Variants in COL23A1 observed in about 807,000 individuals in gnomAD.
COL23A1 encodes the protein collagen type XXIII alpha 1 chain, also known as collagen alpha-1(XXIII) chain.
A neutral mutation model predicts 99.3 loss-of-function variants in COL23A1; 97 were observed. That is an observed-to-expected ratio of 0.98 (90% CI 0.83 to 1.16). The LOEUF is 1.16. Among genes scored for constraint, COL23A1 ranks in the 50% most tolerant of loss-of-function variants. COL23A1 has a pLI of 0.00. For synonymous variants in COL23A1, 320 were observed against 308.2 expected, an observed-to-expected ratio of 1.04 and a Z score of -0.40; for missense variants, 762 against 757.4, an observed-to-expected ratio of 1.01 and a Z score of -0.07.
At position 178,249,983 on chromosome 5, in the gene COL23A1, A is replaced by ACG. The variant is rs1052161409; in HGVS notation, c.1059+76_1059+77dup. The stretch of plus-strand genomic sequence containing the variant: ...TCTCTAACTCTGTGCACACATGCAC[A>ACG]CGCACACACACACACACACACACAC... On this transcript the variant is annotated intron_variant, in intron 18 of 28. Transcript: ENST00000390654. 35 of 1,442,806 alleles carry ACG rather than the reference A, an allele frequency of 2.4e-5. No individual in the cohort carries two copies. In the Admixed American group the frequency reaches 3.3e-4, roughly 14 times the overall value. The allele number at this position is 1,442,806 out of a possible 1,614,324, so 89.4% of individuals were successfully genotyped here.
At chr5:178,486,448 C>T (rs1049548170) in intron 2 of COL23A1, among the ~76,000 whole-genome samples, 1 of 152,176 alleles carries the variant, frequency 6.6e-6, no homozygotes, top group Non-Finnish European at 1.5e-5. Flanking sequence ...TGCGTAATTA[C>T]CACGTGTAGA....
intron 2 of COL23A1, among the ~76,000 whole-genome samples, chr5:178,433,634 G>A (rs1442340474): frequency 3.3e-5 from 5 of 152,168 alleles, no homozygotes; most frequent in Admixed American, 6.5e-5. Flanking sequence ...CACCAGTCAC[G>A]TCATTACATA....
chr5:178,291,197 A>G, intron 3 of COL23A1, among the ~76,000 whole-genome samples: 1 of 152,178 alleles, frequency 6.6e-6, no homozygotes, highest in Non-Finnish European at 1.5e-5. Flanking sequence ...CCAGACCCCG[A>G]ACCTCACTCG....
chr5:178,403,141 AT>A lies in COL23A1; in HGVS notation c.362-96223del, dbSNP rs1561940833. Reference sequence around the variant, plus strand: ...AAAAAAATAAATAAATAAAAAATAAATACCATTTACCGAAATCTTCTACAAG... The same window carrying A: ...AAAAAAATAAATAAATAAAAAATAAAACCATTTACCGAAATCTTCTACAAG... On this transcript the variant is annotated intron_variant, in intron 2 of 28. Transcript: ENST00000390654. Among the ~76,000 whole-genome samples, 22 of 146,338 alleles carry A rather than the reference AT, an allele frequency of 1.5e-4. 2 individuals are homozygous for A. The highest frequency in any genetic ancestry group is 8.2e-4 in the East Asian group (4 of 4,890).
chr5:178,435,097 C>T (rs1766485691), intron 2 of COL23A1, among the ~76,000 whole-genome samples: 1 of 152,204 alleles, frequency 6.6e-6, no homozygotes. Context: ...TGGAGATTTG[C>T]CTCTCTCTGG....
chr5:178,302,257 G>A lies in COL23A1; in HGVS notation c.406+4618C>T, dbSNP rs536642078. On this transcript the variant is annotated intron_variant, in intron 3 of 28. Transcript: ENST00000390654. ...ACAGCGTCAATCCACCTCTGTGTGCGCCGGAGCACGGCTTCAATCCACCTC... is the reference window on the plus strand; with the variant it reads ...ACAGCGTCAATCCACCTCTGTGTGCACCGGAGCACGGCTTCAATCCACCTC... Among the ~76,000 whole-genome samples, 86 of 135,590 alleles carry A rather than the reference G, an allele frequency of 6.3e-4. 2 individuals carry two copies. In the South Asian group the frequency reaches 0.013, roughly 21 times the overall value. 89.0% of individuals were successfully genotyped at this position (135,590 alleles called of 152,430 possible). A position where few individuals can be genotyped will look rare whatever the true frequency, so the allele number is the denominator to read the frequency against.
At chr5:178,389,510 G>C (rs563053716) in intron 2 of COL23A1, among the ~76,000 whole-genome samples, 7 of 152,304 alleles carry the variant, frequency 4.6e-5, no homozygotes, top group African/African-American at 1.4e-4. Flanking sequence ...ATGTCCACTG[G>C]GGAGCTGCAC....
chr5:178,481,010 T>C (rs777034426), intron 2 of COL23A1, among the ~76,000 whole-genome samples: 29 of 151,238 alleles, frequency 1.9e-4, no homozygotes, highest in Admixed American at 3.3e-4. Context: ...TAGCTGGGCA[T>C]GGTAGCACAC....
intron 2 of COL23A1, among the ~76,000 whole-genome samples, chr5:178,327,499 C>T (rs1428973879): frequency 6.6e-6 from 1 of 152,176 alleles, no homozygotes; most frequent in Non-Finnish European, 1.5e-5. Flanking sequence ...GAGACCTTAT[C>T]TGCCAGGAAT....
intron 2 of COL23A1, among the ~76,000 whole-genome samples, chr5:178,326,084 G>A (rs184309089): frequency 1.3e-5 from 2 of 152,240 alleles, no homozygotes; most frequent in East Asian, 3.9e-4. Context: ...TGGGAGACAG[G>A]CCCATTTTTT....
chr5:178,382,787 C>T (rs78576845), intron 2 of COL23A1, among the ~76,000 whole-genome samples: 38 of 152,306 alleles, frequency 2.5e-4, no homozygotes, highest in African/African-American at 8.7e-4. Context: ...GGTTCAGAAG[C>T]GCCCTGGCTC....
chr5:178,520,173 G>A lies in COL23A1; in HGVS notation c.361+40509C>T, dbSNP rs114575949. Among the ~76,000 whole-genome samples the A allele has an allele frequency of 4.7e-3, 712 of 152,266 alleles. 1 individual carries two copies. Among genetic ancestry groups the A allele is most frequent in the African/African-American group, 0.013 (560 of 41,552 alleles). ...AGATGCATGTTGGATGGTCAGACGG[G>A]TGAATGCATCGAAGGATGGATGGAT... On this transcript the variant is annotated intron_variant, in intron 2 of 28. Coordinates refer to ENST00000390654, the MANE Select transcript of COL23A1 (RefSeq NM_173465.4).
At chr5:178,578,394 G>A (rs1271568964) in intron 1 of COL23A1, among the ~76,000 whole-genome samples, 5 of 152,094 alleles carry the variant, frequency 3.3e-5, no homozygotes, top group Non-Finnish European at 7.4e-5. Context: ...TGCACCACAA[G>A]CCTGGTCTGA....
chr5:178,587,075 A>G (rs1240063100), intron 1 of COL23A1, among the ~76,000 whole-genome samples: 1 of 152,224 alleles, frequency 6.6e-6, no homozygotes, highest in Non-Finnish European at 1.5e-5. Flanking sequence ...TTTTTACTGT[A>G]TTATGAAAGC....
intron 2 of COL23A1, among the ~76,000 whole-genome samples, chr5:178,376,671 A>G (rs890458816): frequency 3.3e-5 from 5 of 152,210 alleles, no homozygotes; most frequent in Non-Finnish European, 7.3e-5. Flanking sequence ...AGGTGAGGGA[A>G]CATGCCCAAG....
intron 2 of COL23A1, among the ~76,000 whole-genome samples, chr5:178,417,900 A>G (rs1765400689): frequency 6.6e-6 from 1 of 152,254 alleles, no homozygotes; most frequent in Non-Finnish European, 1.5e-5. Context: ...AGTTCAATTA[A>G]TAAACATTTA....
intron 2 of COL23A1, among the ~76,000 whole-genome samples, chr5:178,528,767 G>A (rs572975515): frequency 2.0e-5 from 3 of 152,196 alleles, no homozygotes; most frequent in Non-Finnish European, 4.4e-5. Flanking sequence ...CTGAGATCGC[G>A]CCATTGCACT....
chr5:178,371,498 A>G (rs1762800116), intron 2 of COL23A1, among the ~76,000 whole-genome samples: 1 of 152,156 alleles, frequency 6.6e-6, no homozygotes. Context: ...AGTCGCCCCT[A>G]CACCTTGGCT....
At chr5:178,336,701 T>G (rs1465292574) in intron 2 of COL23A1, among the ~76,000 whole-genome samples, 3 of 152,202 alleles carry the variant, frequency 2.0e-5, no homozygotes, top group Non-Finnish European at 4.4e-5. Context: ...AATGTTCCAT[T>G]AAACTGGTTA....
Sources: gnomAD v4.1 joint callset for allele counts (sites outside exome capture counted in the v4.1 genomes callset) on GRCh38, gnomAD v4.1.1 for gene constraint, MANE v1.5 for transcripts, NCBI Gene and HGNC (gene_info 2026-07-23, HGNC 2026-07-21) for gene names.